PDPR: variants seen among roughly 807,000 people sequenced by gnomAD.
PDPR encodes pyruvate dehydrogenase phosphatase regulatory subunit, mitochondrial.
PDPR carries 50 observed loss-of-function variants against 102.2 expected under a neutral mutation model. The observed-to-expected ratio is 0.49, with a 90% CI of 0.39 to 0.62. PDPR has a LOEUF of 0.62. PDPR is among the 20% of genes least tolerant of loss of function. The pLI, the probability that PDPR is intolerant of heterozygous loss-of-function variation, is 0.00. For synonymous variants in PDPR, 259 were observed against 406.0 expected, an observed-to-expected ratio of 0.64 and a Z score of 4.35; for missense variants, 625 against 1,098.2, an observed-to-expected ratio of 0.57 and a Z score of 6.09.
At chr16:70,153,785 C>A (rs1320423685) in intron 18 of PDPR, among the ~76,000 whole-genome samples, 1 of 152,290 alleles carries the variant, frequency 6.6e-6, no homozygotes, top group Non-Finnish European at 1.5e-5. Context: ...GTGGCTCACG[C>A]CTGAATCCCA....
chr16:70,162,811 G>A (rs1343760228), downstream of PDPR, among the ~76,000 whole-genome samples: 1 of 152,270 alleles, frequency 6.6e-6, no homozygotes. Flanking sequence ...TGTTCCACAC[G>A]GGCACGTGTG....
intron 3 of PDPR, among the ~76,000 whole-genome samples, chr16:70,121,913 C>T (rs189045057): frequency 1.9e-3 from 293 of 151,964 alleles, no homozygotes; most frequent in African/African-American, 6.9e-3. Flanking sequence ...TACTGACATG[C>T]ACCACCACAT....
chr16:70,119,895 T>C (rs560195226), intron 2 of PDPR, among the ~76,000 whole-genome samples: 9 of 12,716 alleles, frequency 7.1e-4, no homozygotes, highest in South Asian at 0.062. Context: ...AAATATTTCT[T>C]TTTTTGTTTT....
At chr16:70,152,607 A>G (rs974562378) in intron 17 of PDPR, among the ~76,000 whole-genome samples, 2 of 152,290 alleles carry the variant, frequency 1.3e-5, no homozygotes, top group African/African-American at 4.8e-5. Context: ...TCATAGAAAC[A>G]TACTGTGCTA....
chr16:70,152,241 C>A (rs62051029), intron 17 of PDPR, among the ~76,000 whole-genome samples: 4 of 152,010 alleles, frequency 2.6e-5, no homozygotes, highest in Admixed American at 6.6e-5. Flanking sequence ...GTTGTCTTCC[C>A]GGCACGGTGG....
rs1266688865 is a variant in PDPR, at chr16:70,158,676, C to T, written c.*1797C>T. 1 of 153,020 alleles carries T rather than the reference C, an allele frequency of 6.5e-6. No homozygotes were observed. The highest frequency in any genetic ancestry group is 1.5e-5 in the Non-Finnish European group (1 of 68,622). 9.5% of individuals were successfully genotyped at this position (153,020 alleles called of 1,614,324 possible). A position where few individuals can be genotyped will look rare whatever the true frequency, so the allele number is the denominator to read the frequency against. On this transcript the variant is annotated 3_prime_UTR_variant, in exon 19 of 19. Transcript: ENST00000288050. ...CTTAACTAGCCGAGAGATGCTGCCT[C>T]TAGGCAGAGAGGAGGAGAGGTGTTG... is the stretch of plus-strand genomic sequence containing the variant.
At chr16:70,150,345 C>T (rs1966628188) in intron 17 of PDPR, among the ~76,000 whole-genome samples, 1 of 152,240 alleles carries the variant, frequency 6.6e-6, no homozygotes, top group Non-Finnish European at 1.5e-5. Flanking sequence ...CTTAGGTGAT[C>T]CACCCACCTC....
chr16:70,124,791 A>G (rs1425048367), intron 3 of PDPR, among the ~76,000 whole-genome samples: 1 of 152,222 alleles, frequency 6.6e-6, no homozygotes, highest in Non-Finnish European at 1.5e-5. Flanking sequence ...GGAGCTGACA[A>G]TCTTATGTGG....
At position 70,159,437 on chromosome 16, in the gene PDPR, A is replaced by G. The variant is rs1292768250; in HGVS notation, c.*2558A>G. 6.6e-6 allele frequency: 1 copy of G among 152,578 alleles called. No homozygotes were observed. Among genetic ancestry groups the G allele is most frequent in the Non-Finnish European group, 1.5e-5 (1 of 68,244 alleles). The allele number at this position is 152,578 out of a possible 1,614,324, so 9.5% of individuals were successfully genotyped here. On this transcript the variant is annotated 3_prime_UTR_variant, in exon 19 of 19. Transcript: ENST00000288050. ...TACTCCTAAGACTGATGGGGTGTTG[A>G]TCTTCTAGGACATCACTTGTTTATT...
At position 70,148,562 on chromosome 16, in the gene PDPR, G is replaced by C. The variant is rs1403184812; in HGVS notation, c.2052+9G>C. 1 of 1,606,404 alleles carries C rather than the reference G, an allele frequency of 6.2e-7. No individual in the cohort carries two copies. The highest frequency in any genetic ancestry group is 8.5e-7 in the Non-Finnish European group (1 of 1,174,330). On this transcript the variant is annotated intron_variant, in intron 17 of 18. Coordinates refer to ENST00000288050, the MANE Select transcript of PDPR (RefSeq NM_017990.5). ...TCTACATCCCCATAGAGGTGAGAGG[G>C]CACCCTTCCCTTCCCTTCCCTTCAC...
At chr16:70,162,739 C>T (rs1216287283), downstream of PDPR, among the ~76,000 whole-genome samples, 2 of 152,282 alleles carry the variant, frequency 1.3e-5, no homozygotes, top group African/African-American at 4.8e-5. Context: ...AAGCTTCCCG[C>T]CTCCTGAAAT....
chr16:70,122,858 C>T (rs1256724778), intron 3 of PDPR, among the ~76,000 whole-genome samples: 1 of 151,992 alleles, frequency 6.6e-6, no homozygotes, highest in Admixed American at 6.6e-5. Context: ...CACACATACA[C>T]ACACACACAC....
chr16:70,156,388 A>T (rs2152122753), intron 18 of PDPR, 87 bp from the exon 19 acceptor site: 1 of 1,485,158 alleles, frequency 6.7e-7, no homozygotes, highest in East Asian at 2.3e-5. Flanking sequence ...CATTGCAGTG[A>T]CACCAGGGGA....
At chr16:70,115,434 T>C (rs1962541575) in intron 2 of PDPR, among the ~76,000 whole-genome samples, 1 of 152,244 alleles carries the variant, frequency 6.6e-6, no homozygotes, top group Non-Finnish European at 1.5e-5. Flanking sequence ...CTTGTGTTAA[T>C]TTCTTAAACT....
chr16:70,145,443 G>T (rs928549510), intron 15 of PDPR, among the ~76,000 whole-genome samples: 6 of 152,224 alleles, frequency 3.9e-5, no homozygotes, highest in Non-Finnish European at 8.8e-5. Flanking sequence ...GTCCCAGAGA[G>T]TACCTAATTT....
chr16:70,156,779 A>G lies in PDPR; in HGVS notation c.2540A>G (p.Tyr847Cys), dbSNP rs374296141. 122 of 1,613,916 alleles carry G rather than the reference A, an allele frequency of 7.6e-5. No homozygotes were observed. Among genetic ancestry groups the G allele is most frequent in the Non-Finnish European group, 9.8e-5 (116 of 1,179,874 alleles). ...GAGTATGAGATTGACATCGCGGGATACCGCTTCCAGGCCAAGGCCAAGCTC... is the reference window on the plus strand; with the variant it reads ...GAGTATGAGATTGACATCGCGGGATGCCGCTTCCAGGCCAAGGCCAAGCTC... ...RGEYEIDIAGYRFQAKAKLYP... is the reference protein window; with the variant it reads ...RGEYEIDIAGCRFQAKAKLYP... Residue 847 changes from tyrosine to cysteine, a missense_variant, in exon 19 of 19, where the codon TAC (tyrosine) becomes TGC (cysteine). Physicochemically the swap from Tyr to Cys is radical, Grantham distance 194. This residue lies in a region of PDPR where 303 missense variants were observed against 258.9 expected (regional missense o/e 1.17). Transcript: ENST00000288050.
intron 3 of PDPR, among the ~76,000 whole-genome samples, chr16:70,125,552 C>CAA (rs1164711741): frequency 5.2e-4 from 55 of 106,456 alleles, no homozygotes; most frequent in East Asian, 3.3e-3. Flanking sequence ...AACTGCGTCT[C>CAA]AAAAAAAAAA....
Position 70,120,233 on chromosome 16 carries a change from G to A in PDPR, c.-32-228G>A, listed in dbSNP as rs370359343. The A allele has an allele frequency of 2.0e-4, 81 of 396,786 alleles. 1 individual carries two copies. Among genetic ancestry groups the A allele is most frequent in the South Asian group, 1.8e-3 (80 of 43,806 alleles). 24.6% of individuals were successfully genotyped at this position (396,786 alleles called of 1,614,324 possible). A position where few individuals can be genotyped will look rare whatever the true frequency, so the allele number is the denominator to read the frequency against. On this transcript the variant is annotated intron_variant, in intron 2 of 18. Transcript: ENST00000288050. The stretch of plus-strand genomic sequence containing the variant: ...CCCAGCCTAAGTTTTTGAATTTTTA[G>A]TAGAGACGGGGTTTCACTGTGTTAG...
chr16:70,118,092 CA>C (rs67379775), intron 2 of PDPR, among the ~76,000 whole-genome samples: 41,856 of 105,608 alleles, frequency 0.4, 5,881 homozygotes, highest in Middle Eastern at 0.46. Context: ...GACTCTGTCT[CA>C]AAAAAAAAAA....
Sources: allele counts gnomAD v4.1 joint callset (sites outside exome capture counted in the v4.1 genomes callset), GRCh38; gene constraint gnomAD v4.1.1; regional missense constraint gnomAD v4.1.1; transcripts MANE v1.5; gene names NCBI Gene and HGNC (gene_info 2026-07-23, HGNC 2026-07-21).